The following CHP1 variants were observed in gnomAD, a reference collection of about 807,000 sequenced individuals.
CHP1 encodes the protein calcineurin B homologous protein 1.
In CHP1, 11 loss-of-function variants were observed where a neutral mutation model predicts 27.4. The observed-to-expected ratio is 0.40, with a 90% CI of 0.25 to 0.67. CHP1 has a LOEUF of 0.67. Ranked by LOEUF, CHP1 falls within the 30% of genes least tolerant of loss-of-function variation. CHP1 has a pLI of 0.38. For missense variants in CHP1, 169 were observed against 251.3 expected, an observed-to-expected ratio of 0.67 and a Z score of 2.22; for synonymous variants, 89 against 87.4, an observed-to-expected ratio of 1.02 and a Z score of -0.10.
At chr15:41,260,104 A>C (rs1408715662) in intron 3 of CHP1, among the ~76,000 whole-genome samples, 2 of 151,718 alleles carry the variant, frequency 1.3e-5, no homozygotes, top group African/African-American at 4.8e-5. Context: ...TATGAACTGC[A>C]TGTCTATAGA....
intron 2 of CHP1, among the ~76,000 whole-genome samples, chr15:41,247,990 A>AGT (rs2047345005): frequency 1.5e-5 from 1 of 66,554 alleles, no homozygotes; most frequent in African/African-American, 7.5e-5. Flanking sequence ...TAAATAAATA[A>AGT]AATAAATAAA....
chr15:41,264,328 T>C (rs1238198118), intron 4 of CHP1: 1 of 558,198 alleles, frequency 1.8e-6, no homozygotes, highest in Non-Finnish European at 2.7e-6. Flanking sequence ...CTCCTGATGC[T>C]GTGATTGGGG....
At chr15:41,270,682 A>G in intron 5 of CHP1, 64 bp downstream of exon 5, 1 of 1,261,370 alleles carries the variant, frequency 7.9e-7, no homozygotes, top group Non-Finnish European at 1.2e-6. Context: ...GTGGGCAGGA[A>G]CTATTCTTTC....
intron 5 of CHP1, 28 bp downstream of exon 5, chr15:41,270,646 T>G (rs748940800): frequency 1.9e-6 from 3 of 1,571,802 alleles, no homozygotes; most frequent in African/African-American, 1.4e-5. Flanking sequence ...CGAGAACTTG[T>G]GCTTGGACTC....
intron 2 of CHP1, among the ~76,000 whole-genome samples, chr15:41,254,142 G>T (rs1306638684): frequency 2.6e-5 from 4 of 151,960 alleles, no homozygotes; most frequent in Non-Finnish European, 5.9e-5. Flanking sequence ...CTTGATCTGG[G>T]TGACTGGAAC....
rs554968314 is a variant in CHP1 at position 41,270,530 on chromosome 15, G to A, written c.350-27G>A. On this transcript the variant is annotated intron_variant, in intron 4 of 6. Transcript: ENST00000334660. The stretch of plus-strand genomic sequence containing the variant: ...AAGGGGCAACACACTACAGAATTTT[G>A]ACTAACTTTGTGTTTTTCCCTTACA... The A allele has an allele frequency of 2.5e-6, 4 of 1,587,814 alleles. No homozygotes were observed. The East Asian group carries it at 6.7e-5, about 27-fold the overall frequency.
At chr15:41,232,655 G>A (rs569698992) in intron 1 of CHP1, among the ~76,000 whole-genome samples, 1 of 152,124 alleles carries the variant, frequency 6.6e-6, no homozygotes, top group South Asian at 2.1e-4. Context: ...CAATTGTATT[G>A]ATGCATACAA....
intron 1 of CHP1, among the ~76,000 whole-genome samples, chr15:41,241,945 T>G (rs1183686698): frequency 1.3e-5 from 2 of 152,188 alleles, no homozygotes; most frequent in East Asian, 3.9e-4. Flanking sequence ...TTGGCTGTTG[T>G]CTTTTCTCCT....
chr15:41,252,255 C>A (rs1014661877), intron 2 of CHP1, among the ~76,000 whole-genome samples: 1 of 151,660 alleles, frequency 6.6e-6, no homozygotes, highest in Non-Finnish European at 1.5e-5. Context: ...CTGCAACCTC[C>A]GCCTCCCGGG....
intron 2 of CHP1, 28 bp from the exon 3 acceptor site, chr15:41,256,878 CTCTA>C: frequency 6.3e-7 from 1 of 1,590,620 alleles, no homozygotes; most frequent in East Asian, 2.2e-5. Flanking sequence ...GGGCAATGAT[CTCTA>C]TCTAACTCAA....
intron 1 of CHP1, among the ~76,000 whole-genome samples, chr15:41,235,775 A>G (rs1240292846): frequency 6.6e-6 from 1 of 152,216 alleles, no homozygotes; most frequent in Non-Finnish European, 1.5e-5. Context: ...GAACAATATC[A>G]TGGCTAGAAT....
At chr15:41,249,830 A>ATTT (rs553713758) in intron 2 of CHP1, among the ~76,000 whole-genome samples, 23 of 140,698 alleles carry the variant, frequency 1.6e-4, no homozygotes, top group African/African-American at 4.9e-4. Flanking sequence ...CACTTCAACA[A>ATTT]TTTTTTTTTT....
At position 41,243,699 on chromosome 15, in the gene CHP1, C is replaced by T. The variant is rs1285393038; in HGVS notation, c.100C>T (p.Arg34Trp). 6.2e-7 allele frequency: 1 copy of T among 1,614,048 alleles called. No homozygotes were observed. The highest frequency in any genetic ancestry group is 8.5e-7 in the Non-Finnish European group (1 of 1,179,998). Reference protein sequence around the residue: ...SHSQITRLYSRFTSLDKGENG... With the variant: ...SHSQITRLYSWFTSLDKGENG... Reference sequence around the variant, plus strand: ...CAGTCAAATCACTCGCCTCTACAGCCGGTTCACCAGCCTGGACAAAGGAGA... The same window carrying T: ...CAGTCAAATCACTCGCCTCTACAGCTGGTTCACCAGCCTGGACAAAGGAGA... Residue 34 changes from arginine (R) to tryptophan (W), a missense_variant, in exon 2 of 7, where the codon CGG becomes TGG. Physicochemically the swap from Arg to Trp is moderately radical, Grantham distance 101. Transcript: ENST00000334660.
At chr15:41,246,608 GTGCCTGGCCAAAAAGCTTTTTTTTT>G (rs1327641463) in intron 2 of CHP1, among the ~76,000 whole-genome samples, 68 of 144,302 alleles carry the variant, frequency 4.7e-4, no homozygotes, top group South Asian at 4.5e-4. Flanking sequence ...GCGAGCCACC[GTGCCTGGCCAAAAAGCTTTTTTTTT>G]TTTTTTTTTT....
At position 41,231,579 on chromosome 15, in the gene CHP1, G is replaced by C. The variant is rs1011987108; in HGVS notation, c.67+130G>C. 27 of 820,206 alleles carry C rather than the reference G, an allele frequency of 3.3e-5. No homozygotes were observed. The East Asian group carries it at 7.2e-4, about 22-fold the overall frequency. The allele number at this position is 820,206 out of a possible 1,614,324, so 50.8% of individuals were successfully genotyped here. On this transcript the variant is annotated intron_variant, in intron 1 of 6. Transcript: ENST00000334660. The stretch of plus-strand genomic sequence containing the variant: ...GGTCCTGGGCAGCCTCCAGGTTTGG[G>C]GACCGAGAGCTGGAAGACCTGTTCT...
intron 1 of CHP1, among the ~76,000 whole-genome samples, chr15:41,240,860 CT>C (rs10649918): frequency 2.1e-4 from 30 of 145,366 alleles, no homozygotes; most frequent in Non-Finnish European, 1.8e-4. Context: ...CTTAGTAATT[CT>C]TTTTTTTTTT....
At chr15:41,255,281 A>G (rs764993756) in intron 2 of CHP1, among the ~76,000 whole-genome samples, 1 of 152,124 alleles carries the variant, frequency 6.6e-6, no homozygotes, top group African/African-American at 2.4e-5. Flanking sequence ...CCTCCATGAC[A>G]TTGATATTTT....
At chr15:41,260,727 A>G (rs1164509903) in intron 3 of CHP1, among the ~76,000 whole-genome samples, 4 of 151,830 alleles carry the variant, frequency 2.6e-5, no homozygotes, top group Admixed American at 2.0e-4. Context: ...TTATCCAATT[A>G]TGAGGGAATA....
intron 4 of CHP1, among the ~76,000 whole-genome samples, chr15:41,264,592 T>G (rs2047450992): frequency 6.6e-6 from 1 of 152,092 alleles, no homozygotes; most frequent in African/African-American, 2.4e-5. Context: ...GCGTGTGCAC[T>G]ACACCCAGCT....
Sources: allele counts gnomAD v4.1 joint callset (sites outside exome capture counted in the v4.1 genomes callset), GRCh38; gene constraint gnomAD v4.1.1; transcripts MANE v1.5; gene names NCBI Gene and HGNC (gene_info 2026-07-23, HGNC 2026-07-21).